Variants in PSMA3 observed in about 807,000 individuals in gnomAD.
PSMA3 encodes the protein proteasome 20S subunit alpha 3.
PSMA3 carries 8 observed loss-of-function variants against 40.0 expected under a neutral mutation model. That is an observed-to-expected ratio of 0.20 (90% CI 0.12 to 0.36). The LOEUF (loss-of-function observed/expected upper bound fraction) is 0.36, where lower values mean the gene tolerates loss of function less well. Among genes scored for constraint, PSMA3 ranks in the 10% least tolerant of loss-of-function variants. The probability of loss-of-function intolerance (pLI) is 1.00; values close to 1 mark genes in which losing one functional copy is unlikely to be tolerated. For missense variants in PSMA3, 219 were observed against 310.6 expected, an observed-to-expected ratio of 0.70 and a Z score of 2.22; for synonymous variants, 110 against 100.0, an observed-to-expected ratio of 1.10 and a Z score of -0.59.
chr14:58,268,187 G>C (rs1418803261), intron 8 of PSMA3: 1 of 152,140 alleles, frequency 6.6e-6, no homozygotes, highest in Non-Finnish European at 1.5e-5. Context: ...AAAGAGTGTA[G>C]ACATTTGGTA....
Position 58,252,176 on chromosome 14 carries a change from C to G in PSMA3, c.162C>G (p.Val54=). 6.2e-7 allele frequency: 1 copy of G among 1,613,008 alleles called. No homozygotes were observed. The highest frequency in any genetic ancestry group is 8.5e-7 in the Non-Finnish European group (1 of 1,179,526). ...DGVVFGVEKL[V]LSKLYEEGSN... ...TTGTCTTTGGGGTAGAAAAATTAGT[C>G]CTTTCTAAACTTTATGAAGAAGGTT... Residue 54 remains valine (V), a synonymous_variant, in exon 3 of 11, where the codon GTC becomes GTG. Coordinates refer to ENST00000216455, the MANE Select transcript of PSMA3 (RefSeq NM_002788.4).
intron 7 of PSMA3, among the ~76,000 whole-genome samples, chr14:58,264,168 TATG>T (rs1173078380): frequency 1.3e-5 from 2 of 152,258 alleles, no homozygotes; most frequent in African/African-American, 2.4e-5. Flanking sequence ...CAACTTTTGA[TATG>T]ATTTCACAAA....
chr14:58,269,449 T>C (rs1890546715), intron 8 of PSMA3: 1 of 152,132 alleles, frequency 6.6e-6, no homozygotes, highest in African/African-American at 2.4e-5. Context: ...TTTTATTTTT[T>C]TGAAACAGAG....
intron 6 of PSMA3, 101 bp downstream of exon 6, chr14:58,261,121 A>T: frequency 2.6e-6 from 2 of 782,876 alleles, no homozygotes; most frequent in Non-Finnish European, 4.0e-6. Flanking sequence ...AAAAAAACTC[A>T]TTCAAGGAAA....
intron 6 of PSMA3, chr14:58,263,489 AC>A (rs1890341338): frequency 7.4e-6 from 3 of 404,950 alleles, no homozygotes; most frequent in Non-Finnish European, 1.3e-5. Flanking sequence ...TTTTGGATAT[AC>A]CTTTATTAAA....
intron 3 of PSMA3, among the ~76,000 whole-genome samples, chr14:58,253,885 T>C (rs1263786997): frequency 6.6e-6 from 1 of 152,238 alleles, no homozygotes; most frequent in African/African-American, 2.4e-5. Context: ...TGAGCCAGCG[T>C]GCCCAGCCTA....
intron 2 of PSMA3, among the ~76,000 whole-genome samples, chr14:58,251,411 A>G (rs773374000): frequency 2.9e-4 from 44 of 152,238 alleles, no homozygotes; most frequent in Admixed American, 9.8e-4. Flanking sequence ...TCAGCCTCCC[A>G]GGTAGCTGGG....
rs150176442 is a variant in PSMA3, at chr14:58,268,303, A to G, written c.590+783A>G. The stretch of plus-strand genomic sequence containing the variant: ...ACTCTAAGTATTCCACATTAGAACT[A>G]CATAAACAAGGTCTAGTCAATCACC... On this transcript the variant is annotated intron_variant, in intron 8 of 10. Transcript: ENST00000216455. Among the ~76,000 whole-genome samples the G allele has an allele frequency of 5.1e-3, 783 of 152,344 alleles. 3 individuals carry two copies. The highest frequency in any genetic ancestry group is 7.9e-3 in the Non-Finnish European group (536 of 68,030).
chr14:58,252,791 G>C (rs1057098249), intron 3 of PSMA3, among the ~76,000 whole-genome samples: 1 of 144,672 alleles, frequency 6.9e-6, no homozygotes, highest in African/African-American at 2.6e-5. Context: ...ATAGATGGCA[G>C]ACTTGGCTTA....
At chr14:58,267,345 TC>T (rs1409590472) in intron 7 of PSMA3, 128 bp from the exon 8 acceptor site, 1 of 1,237,524 alleles carries the variant, frequency 8.1e-7, no homozygotes, top group Non-Finnish European at 1.0e-6. Flanking sequence ...TCAGGAAACT[TC>T]GATTCTGGTC....
chr14:58,258,407 T>G (rs1024408790), intron 5 of PSMA3: 2 of 133,356 alleles, frequency 1.5e-5, no homozygotes, highest in African/African-American at 5.9e-5. Context: ...CACTGTACTC[T>G]AGCTGGCGCA....
chr14:58,269,230 C>A (rs1277197485), intron 8 of PSMA3, among the ~76,000 whole-genome samples: 1 of 151,848 alleles, frequency 6.6e-6, no homozygotes, highest in Non-Finnish European at 1.5e-5. Context: ...CCGCACCTGG[C>A]CTCTTGATAC....
At chr14:58,258,743 A>G (rs1318098261) in intron 5 of PSMA3, among the ~76,000 whole-genome samples, 1 of 151,108 alleles carries the variant, frequency 6.6e-6, no homozygotes, top group East Asian at 1.9e-4. Context: ...TTGTGACTAG[A>G]TTTTTCTAAA....
chr14:58,247,057 C>T (rs999843798), intron 1 of PSMA3, among the ~76,000 whole-genome samples: 4 of 152,180 alleles, frequency 2.6e-5, no homozygotes, highest in African/African-American at 7.2e-5. Flanking sequence ...CTTGACTGTG[C>T]TAGCCTTATT....
intron 3 of PSMA3, 106 bp from the exon 4 acceptor site, chr14:58,257,639 G>A (rs1890175025): frequency 1.0e-6 from 1 of 969,788 alleles, no homozygotes; most frequent in African/African-American, 1.7e-5. Context: ...AGTTTATTTT[G>A]AATGGTAATA....
At position 58,256,643 on chromosome 14, in the gene PSMA3, A is replaced by T. The variant is rs1367416171; in HGVS notation, c.229-1102A>T. Among the ~76,000 whole-genome samples, 4 of 149,448 alleles carry T rather than the reference A, an allele frequency of 2.7e-5. No individual in the cohort carries two copies. In the East Asian group the frequency reaches 8.2e-4, roughly 31 times the overall value. On this transcript the variant is annotated intron_variant, in intron 3 of 10. Coordinates refer to ENST00000216455, the MANE Select transcript of PSMA3 (RefSeq NM_002788.4). ...TGGCCAGGCTGGTCTTGAACTCGTG[A>T]CCTTGTGATCCACCTGCCTCAGCCT...
intron 10 of PSMA3, 72 bp from the exon 11 acceptor site, chr14:58,271,779 C>CT (rs1890633228): frequency 5.5e-6 from 6 of 1,098,316 alleles, no homozygotes; most frequent in Non-Finnish European, 8.3e-6. Context: ...GTTGTTGTAG[C>CT]TTAACTTGCC....
intron 7 of PSMA3, 148 bp from the exon 8 acceptor site, chr14:58,267,326 A>G (rs1272725066): frequency 5.8e-6 from 7 of 1,206,238 alleles, no homozygotes; most frequent in Non-Finnish European, 7.3e-6. Context: ...CAAAACATTA[A>G]AATATGAATC....
At chr14:58,268,573 AACC>A (rs1359621806) in intron 8 of PSMA3, 1 of 152,180 alleles carries the variant, frequency 6.6e-6, no homozygotes, top group Non-Finnish European at 1.5e-5. Flanking sequence ...CAACACTAGG[AACC>A]AACATGCAGC....
Sources: gnomAD v4.1 joint callset for allele counts (sites outside exome capture counted in the v4.1 genomes callset) on GRCh38, gnomAD v4.1.1 for gene constraint, MANE v1.5 for transcripts, NCBI Gene and HGNC (gene_info 2026-07-23, HGNC 2026-07-21) for gene names.